The following COMMD1 variants were observed in gnomAD, a reference collection of about 807,000 sequenced individuals.
The protein encoded by COMMD1 is copper metabolism domain containing 1, also known as COMM domain-containing protein 1.
COMMD1 carries 10 observed loss-of-function variants against 17.2 expected under a neutral mutation model. The observed-to-expected ratio is 0.58, with a 90% CI of 0.36 to 0.99. The LOEUF (loss-of-function observed/expected upper bound fraction) is 0.99, where lower values mean the gene tolerates loss of function less well. Ranked by LOEUF, COMMD1 falls within the 50% of genes least tolerant of loss-of-function variation. The probability of loss-of-function intolerance (pLI) is 0.01; values close to 1 mark genes in which losing one functional copy is unlikely to be tolerated. For missense variants in COMMD1, 270 were observed against 231.8 expected, an observed-to-expected ratio of 1.17 and a Z score of -1.07; for synonymous variants, 97 against 91.6, an observed-to-expected ratio of 1.06 and a Z score of -0.34.
In COMMD1 at chr2:62,090,083, G is replaced by A. The variant is rs1671785059; in HGVS notation, c.463-45748G>A. On this transcript the variant is annotated intron_variant, in intron 2 of 2. Transcript: ENST00000311832. ...GGGGTGAGATGGAGTCAGGCCTAGG[G>A]TTTAGTCTAAAAAAAAAATCCCAGG... Among the ~76,000 whole-genome samples the A allele has an allele frequency of 2.6e-5, 4 of 151,820 alleles. No homozygotes were observed. The South Asian group carries it at 8.3e-4, about 32-fold the overall frequency.
intron 2 of COMMD1, among the ~76,000 whole-genome samples, chr2:62,033,991 T>G (rs1160068027): frequency 6.9e-6 from 1 of 145,332 alleles, no homozygotes; most frequent in Non-Finnish European, 1.5e-5. Flanking sequence ...GCACCTGTAG[T>G]GCCAACTACT....
chr2:61,958,361 G>T (rs1671249575), intron 1 of COMMD1, among the ~76,000 whole-genome samples: 1 of 151,784 alleles, frequency 6.6e-6, no homozygotes, highest in Non-Finnish European at 1.5e-5. Flanking sequence ...CTGCCTCCTG[G>T]GTTCAAGCTA....
intron 2 of COMMD1, among the ~76,000 whole-genome samples, chr2:62,075,011 T>G (rs921939199): frequency 6.7e-6 from 1 of 149,496 alleles, no homozygotes; most frequent in Non-Finnish European, 1.5e-5. Context: ...TGCCTCAGCC[T>G]CCCTAGTAGC....
chr2:62,127,957 G>A (rs530204559), intron 2 of COMMD1, among the ~76,000 whole-genome samples: 14 of 151,104 alleles, frequency 9.3e-5, no homozygotes, highest in African/African-American at 2.9e-4. Flanking sequence ...AGGAGACAGA[G>A]GTTGCAGTGA....
intron 2 of COMMD1, among the ~76,000 whole-genome samples, chr2:62,124,081 C>G (rs1338462864): frequency 6.6e-6 from 1 of 152,138 alleles, no homozygotes; most frequent in Non-Finnish European, 1.5e-5. Context: ...GGGCAGATCA[C>G]AAGGTCAGGA....
intron 1 of COMMD1, among the ~76,000 whole-genome samples, chr2:61,946,283 C>G (rs755835226): frequency 6.6e-6 from 1 of 151,898 alleles, no homozygotes; most frequent in African/African-American, 2.4e-5. Context: ...AAAAACAAAC[C>G]CTTTGAGACT....
intron 1 of COMMD1, among the ~76,000 whole-genome samples, chr2:61,920,371 CAG>C (rs1670158148): frequency 6.6e-6 from 1 of 151,512 alleles, no homozygotes; most frequent in South Asian, 2.1e-4. Context: ...AACAGTACTG[CAG>C]AGAGAGTTCT....
chr2:61,917,368 A>AG (rs927917013), intron 1 of COMMD1, among the ~76,000 whole-genome samples: 1 of 152,126 alleles, frequency 6.6e-6, no homozygotes, highest in Middle Eastern at 3.2e-3. Flanking sequence ...AAAAAAAAAA[A>AG]AAAGTGCATT....
intron 1 of COMMD1, among the ~76,000 whole-genome samples, chr2:61,963,385 C>T (rs1463754009): frequency 6.6e-6 from 1 of 151,930 alleles, no homozygotes; most frequent in Non-Finnish European, 1.5e-5. Context: ...GAGATGGAGT[C>T]TCACTCTGTT....
intron 1 of COMMD1, among the ~76,000 whole-genome samples, chr2:61,897,145 C>A (rs1429677502): frequency 6.6e-6 from 1 of 152,074 alleles, no homozygotes; most frequent in Non-Finnish European, 1.5e-5. Context: ...ATATTCTTAA[C>A]ACCAGAAATA....
At chr2:61,892,942 A>G (rs1444962682) in intron 1 of COMMD1, among the ~76,000 whole-genome samples, 1 of 151,748 alleles carries the variant, frequency 6.6e-6, no homozygotes, top group East Asian at 1.9e-4. Context: ...ATCTCAGCTC[A>G]CTGCAACCTC....
At chr2:61,948,373 A>T (rs2103658899) in intron 1 of COMMD1, among the ~76,000 whole-genome samples, 1 of 152,308 alleles carries the variant, frequency 6.6e-6, no homozygotes, top group African/African-American at 2.4e-5. Flanking sequence ...TTAGTTTTCT[A>T]TATTTTTGAG....
intron 2 of COMMD1, among the ~76,000 whole-genome samples, chr2:62,063,586 G>A (rs1014905795): frequency 6.6e-6 from 1 of 152,112 alleles, no homozygotes; most frequent in Non-Finnish European, 1.5e-5. Context: ...ATTTCTTAGA[G>A]TAGCGTTGCT....
chr2:62,069,141 A>G (rs1400542907), intron 2 of COMMD1, among the ~76,000 whole-genome samples: 1 of 152,080 alleles, frequency 6.6e-6, no homozygotes, highest in Non-Finnish European at 1.5e-5. Context: ...TTCTGATATT[A>G]ACTTCAGATT....
At chr2:62,007,126 A>G (rs1669144539) in intron 2 of COMMD1, among the ~76,000 whole-genome samples, 1 of 152,156 alleles carries the variant, frequency 6.6e-6, no homozygotes, top group Non-Finnish European at 1.5e-5. Context: ...GTTGTTTTTT[A>G]ATTTATTTAT....
intron 1 of COMMD1, among the ~76,000 whole-genome samples, chr2:61,909,065 A>G (rs929779822): frequency 6.6e-6 from 1 of 152,006 alleles, no homozygotes. Flanking sequence ...AGTAGCTGGG[A>G]TTACAAGCAT....
At chr2:61,904,525 T>G (rs1558516088), upstream of COMMD1, among the ~76,000 whole-genome samples, 1 of 152,200 alleles carries the variant, frequency 6.6e-6, no homozygotes, top group Non-Finnish European at 1.5e-5. Flanking sequence ...TCAATTTGCA[T>G]TTGTAGAAGT....
At chr2:62,021,795 T>C (rs563200776) in intron 2 of COMMD1, among the ~76,000 whole-genome samples, 2 of 152,354 alleles carry the variant, frequency 1.3e-5, no homozygotes, top group East Asian at 3.9e-4. Flanking sequence ...GAATATTACA[T>C]GCTTAAAGTC....
chr2:61,892,385 G>C (rs894302698), intron 1 of COMMD1, among the ~76,000 whole-genome samples: 2 of 152,038 alleles, frequency 1.3e-5, no homozygotes, highest in African/African-American at 4.8e-5. Context: ...CCAGGAACTG[G>C]TTAAGGTTAG....
Sources: allele counts gnomAD v4.1 joint callset (sites outside exome capture counted in the v4.1 genomes callset), GRCh38; gene constraint gnomAD v4.1.1; transcripts MANE v1.5; gene names NCBI Gene and HGNC (gene_info 2026-07-23, HGNC 2026-07-21).